Variants in CCDC146 observed in about 807,000 individuals in gnomAD.
CCDC146 encodes the protein coiled-coil domain-containing protein 146.
A neutral mutation model predicts 119.3 loss-of-function variants in CCDC146; 92 were observed. The observed-to-expected ratio is 0.77, with a 90% CI of 0.65 to 0.92. The LOEUF is 0.92. Among genes scored for constraint, CCDC146 ranks in the 40% least tolerant of loss-of-function variants. CCDC146 has a pLI of 0.00. For missense variants in CCDC146, 1,000 were observed against 1,103.0 expected (o/e 0.91, Z 1.32); for synonymous variants, 372 against 371.8 (o/e 1.00, Z -0.01).
rs1791876483 is a variant in CCDC146 at position 77,196,657 on chromosome 7, G to A, written c.156+28833G>A. Reference sequence around the variant, plus strand: ...TAGCCACATAAAACTGATCATACAAGGCATATAGTTCGACACCATTAAAGT... The same window carrying A: ...TAGCCACATAAAACTGATCATACAAAGCATATAGTTCGACACCATTAAAGT... On this transcript the variant is annotated intron_variant, in intron 2 of 18. Transcript: ENST00000285871. This position sits in a 1 kb window ranked among gnomAD's most constrained non-coding sequence, Gnocchi z 4.2. 2 of 1,613,858 alleles carry A rather than the reference G, an allele frequency of 1.2e-6. No homozygotes were observed. The highest frequency in any genetic ancestry group is 1.3e-5 in the African/African-American group (1 of 74,896).
chr7:77,227,658 A>G (rs6943246), intron 2 of CCDC146, among the ~76,000 whole-genome samples: 9,779 of 152,224 alleles, frequency 0.064, 832 homozygotes, highest in African/African-American at 0.2. Context: ...TTGAGCATTC[A>G]GTAAGTCAGA....
chr7:77,138,290 C>CAA (rs59868618), intron 1 of CCDC146, among the ~76,000 whole-genome samples: 126 of 121,886 alleles, frequency 1.0e-3, no homozygotes, highest in African/African-American at 1.4e-3. Context: ...GGGGCAGTTG[C>CAA]AAAAAAAAAA....
At chr7:77,199,244 C>T in intron 2 of CCDC146, 1 of 1,613,952 alleles carries the variant, frequency 6.2e-7, no homozygotes, top group South Asian at 1.1e-5. Flanking sequence ...AAACTATTGA[C>T]AACAAATGTT....
intron 3 of CCDC146, among the ~76,000 whole-genome samples, chr7:77,238,006 C>G (rs888184831): frequency 6.6e-6 from 1 of 152,206 alleles, no homozygotes; most frequent in Non-Finnish European, 1.5e-5. Context: ...CACTTCCCCT[C>G]CTTCTTATCT....
At chr7:77,237,052 G>A (rs1357122332) in intron 3 of CCDC146, 23 bp downstream of exon 3, 1 of 1,586,114 alleles carries the variant, frequency 6.3e-7, no homozygotes, top group Non-Finnish European at 8.7e-7. Flanking sequence ...CCAATATGGA[G>A]ACATGATTAA....
At chr7:77,241,247 C>T (rs1383820953) in intron 3 of CCDC146, among the ~76,000 whole-genome samples, 1 of 51,412 alleles carries the variant, frequency 1.9e-5, no homozygotes, top group Non-Finnish European at 7.0e-5. Context: ...TTAGTAGAGA[C>T]GGGGTTTCAC....
intron 3 of CCDC146, among the ~76,000 whole-genome samples, chr7:77,239,173 G>T (rs1041533526): frequency 7.2e-5 from 11 of 152,146 alleles, no homozygotes; most frequent in African/African-American, 2.4e-4. Context: ...TTGTGTTCTG[G>T]CTGGAACCCT....
chr7:77,148,098 C>T (rs1205310433), intron 1 of CCDC146, among the ~76,000 whole-genome samples: 1 of 152,220 alleles, frequency 6.6e-6, no homozygotes, highest in Admixed American at 6.5e-5. Flanking sequence ...CCTACTCAAG[C>T]CTCAGCAATG....
At chr7:77,231,610 T>C (rs1792629199) in intron 2 of CCDC146, among the ~76,000 whole-genome samples, 1 of 152,060 alleles carries the variant, frequency 6.6e-6, no homozygotes, top group Admixed American at 6.6e-5. Context: ...TTTTCAATTA[T>C]GATTTTCTAC....
intron 2 of CCDC146, 22 bp from the exon 3 acceptor site, chr7:77,236,925 G>A (rs775667234): frequency 1.3e-6 from 2 of 1,576,898 alleles, no homozygotes; most frequent in Admixed American, 3.3e-5. Flanking sequence ...GATTAACAGT[G>A]ACCTTATGTT....
intron 16 of CCDC146, 151 bp from the exon 17 acceptor site, chr7:77,287,289 G>C: frequency 1.4e-6 from 1 of 732,634 alleles, no homozygotes; most frequent in Middle Eastern, 4.0e-4. Flanking sequence ...GTATCTGCAG[G>C]GGCTGGGGCA....
intron 1 of CCDC146, among the ~76,000 whole-genome samples, chr7:77,142,096 C>G (rs563179716): frequency 3.3e-5 from 5 of 152,060 alleles, no homozygotes; most frequent in South Asian, 4.1e-4. Flanking sequence ...TATGACAAAC[C>G]CACAGCCAAT....
chr7:77,267,924 G>C (rs1031694023), intron 9 of CCDC146, among the ~76,000 whole-genome samples: 1 of 152,038 alleles, frequency 6.6e-6, no homozygotes, highest in African/African-American at 2.4e-5. Context: ...TCTAGCCAAA[G>C]ACTAACAGGA....
intron 4 of CCDC146, among the ~76,000 whole-genome samples, chr7:77,249,190 A>G (rs978418024): frequency 1.3e-5 from 2 of 152,124 alleles, no homozygotes; most frequent in Non-Finnish European, 2.9e-5. Flanking sequence ...TGTTAGGTGC[A>G]AATATATTAA....
chr7:77,127,345 G>A (rs1790703727), intron 1 of CCDC146, among the ~76,000 whole-genome samples: 1 of 152,102 alleles, frequency 6.6e-6, no homozygotes, highest in South Asian at 2.1e-4. Flanking sequence ...TGCAGTTTGG[G>A]CGGCTGTAGC....
intron 1 of CCDC146, among the ~76,000 whole-genome samples, chr7:77,132,259 A>G (rs1432617867): frequency 1.3e-5 from 2 of 152,072 alleles, no homozygotes; most frequent in Non-Finnish European, 2.9e-5. Context: ...AAAATTAGAC[A>G]AAAATATTGC....
At chr7:77,261,871 T>C (rs1793306474) in intron 8 of CCDC146, among the ~76,000 whole-genome samples, 3 of 152,246 alleles carry the variant, frequency 2.0e-5, no homozygotes. Flanking sequence ...GTTGGTTCTA[T>C]GTCTTTGCTA....
intron 2 of CCDC146, among the ~76,000 whole-genome samples, chr7:77,200,127 T>C (rs1791960624): frequency 6.6e-6 from 1 of 152,224 alleles, no homozygotes; most frequent in Admixed American, 6.5e-5. Flanking sequence ...AAGTAAATAA[T>C]TATACGTAAC....
At chr7:77,197,280 AGTGAG>A (rs1237443238) in intron 2 of CCDC146, among the ~76,000 whole-genome samples, 1 of 152,266 alleles carries the variant, frequency 6.6e-6, no homozygotes, top group African/African-American at 2.4e-5. Flanking sequence ...AGTATTATGT[AGTGAG>A]GCCTACCTAT....
Sources: gnomAD v4.1 joint callset for allele counts (sites outside exome capture counted in the v4.1 genomes callset) on GRCh38, gnomAD v4.1.1 for gene constraint, Gnocchi (gnomAD v3.1) non-coding constraint, MANE v1.5 for transcripts, NCBI Gene and HGNC (gene_info 2026-07-23, HGNC 2026-07-21) for gene names.